FMNL2: variants seen among roughly 807,000 people sequenced by gnomAD.
FMNL2 encodes formin like 2.
FMNL2 carries 51 observed loss-of-function variants against 130.2 expected under a neutral mutation model. The observed-to-expected ratio is 0.39, with a 90% confidence interval of 0.31 to 0.49. The LOEUF (loss-of-function observed/expected upper bound fraction) is 0.49, where lower values mean the gene tolerates loss of function less well. Among genes scored for constraint, FMNL2 ranks in the 20% least tolerant of loss-of-function variants. The probability of loss-of-function intolerance (pLI) is 0.85; values close to 1 mark genes in which losing one functional copy is unlikely to be tolerated. For missense variants in FMNL2, 977 were observed against 1,316.2 expected, an observed-to-expected ratio of 0.74 and a Z score of 3.99; for synonymous variants, 465 against 467.1, an observed-to-expected ratio of 1.00 and a Z score of 0.06.
chr2:152,494,789 G>A (rs541301046), intron 1 of FMNL2, among the ~76,000 whole-genome samples: 101 of 152,268 alleles, frequency 6.6e-4, no homozygotes, highest in African/African-American at 2.3e-3. Context: ...AGAAAGCCCT[G>A]GGTTATCAGC....
chr2:152,642,180 T>C (rs1683149149), intron 25 of FMNL2, among the ~76,000 whole-genome samples: 1 of 152,194 alleles, frequency 6.6e-6, no homozygotes, highest in Admixed American at 6.5e-5. Context: ...GACCTCGTGA[T>C]CTGCCCGCCT....
chr2:152,355,330 C>T (rs1682721958), intron 1 of FMNL2, among the ~76,000 whole-genome samples: 1 of 152,158 alleles, frequency 6.6e-6, no homozygotes. Flanking sequence ...TTCATTGCCC[C>T]AAGAAAACCA....
At chr2:152,350,948 G>A (rs1682446001) in intron 1 of FMNL2, among the ~76,000 whole-genome samples, 1 of 152,124 alleles carries the variant, frequency 6.6e-6, no homozygotes, top group Admixed American at 6.5e-5. Flanking sequence ...GGGAGGCTGA[G>A]GCAGGAGAAT....
At chr2:152,376,565 C>T (rs1684189563) in intron 1 of FMNL2, among the ~76,000 whole-genome samples, 1 of 152,194 alleles carries the variant, frequency 6.6e-6, no homozygotes, top group East Asian at 1.9e-4. Flanking sequence ...AGAGTTGAAG[C>T]ACAGCTGTGC....
At chr2:152,582,654 T>A (rs1696858827) in intron 9 of FMNL2, among the ~76,000 whole-genome samples, 1 of 152,208 alleles carries the variant, frequency 6.6e-6, no homozygotes, top group Non-Finnish European at 1.5e-5. Context: ...GTGAATGTTT[T>A]TATATATCAT....
At chr2:152,553,465 A>G (rs796454329) in intron 4 of FMNL2, among the ~76,000 whole-genome samples, 1 of 151,688 alleles carries the variant, frequency 6.6e-6, no homozygotes, top group Non-Finnish European at 1.5e-5. Flanking sequence ...TCAATTCCAC[A>G]CAAGTTAGAA....
chr2:152,581,925 G>A (rs1201957275), intron 9 of FMNL2, among the ~76,000 whole-genome samples: 2 of 152,008 alleles, frequency 1.3e-5, no homozygotes, highest in East Asian at 3.9e-4. Context: ...GGTCACAGAG[G>A]GACTGTTTTC....
chr2:152,487,041 T>G (rs73968034), intron 1 of FMNL2, among the ~76,000 whole-genome samples: 1 of 152,224 alleles, frequency 6.6e-6, no homozygotes, highest in Non-Finnish European at 1.5e-5. Flanking sequence ...ATCCCACAAA[T>G]ATTTATTGAG....
chr2:152,585,035 A>G (rs1696991339), intron 9 of FMNL2, among the ~76,000 whole-genome samples: 1 of 152,228 alleles, frequency 6.6e-6, no homozygotes, highest in Non-Finnish European at 1.5e-5. Context: ...ATGAGTCTTA[A>G]TTACATGAAT....
intron 6 of FMNL2, among the ~76,000 whole-genome samples, chr2:152,574,910 C>T (rs891278530): frequency 6.6e-4 from 101 of 152,088 alleles, no homozygotes; most frequent in African/African-American, 2.4e-3. Flanking sequence ...TCTGAGACCT[C>T]CAAAAAGTGT....
chr2:152,430,339 GCA>G (rs1402501329), intron 1 of FMNL2, among the ~76,000 whole-genome samples: 1 of 152,124 alleles, frequency 6.6e-6, no homozygotes, highest in African/African-American at 2.4e-5. Flanking sequence ...GCCCTTGTGT[GCA>G]CACTCACCTT....
At chr2:152,442,343 C>G (rs1688097871) in intron 1 of FMNL2, among the ~76,000 whole-genome samples, 1 of 151,752 alleles carries the variant, frequency 6.6e-6, no homozygotes, top group African/African-American at 2.4e-5. Flanking sequence ...CCTCCTTCTC[C>G]CGGGTTTAAG....
chr2:152,371,498 A>T (rs960208728), intron 1 of FMNL2, among the ~76,000 whole-genome samples: 1 of 151,740 alleles, frequency 6.6e-6, no homozygotes, highest in Non-Finnish European at 1.5e-5. Flanking sequence ...GTGAATCCCT[A>T]TCTCTACTAA....
chr2:152,387,879 C>A (rs1051500328), intron 1 of FMNL2, among the ~76,000 whole-genome samples: 1 of 150,960 alleles, frequency 6.6e-6, no homozygotes, highest in African/African-American at 2.4e-5. Flanking sequence ...GTCTTGATCT[C>A]CTGGGCTCAC....
intron 25 of FMNL2, among the ~76,000 whole-genome samples, chr2:152,643,129 G>C (rs1683241983): frequency 6.6e-6 from 1 of 152,150 alleles, no homozygotes; most frequent in Non-Finnish European, 1.5e-5. Context: ...CTATTTGCTT[G>C]ATCTAAGTCA....
chr2:152,336,773 A>G (rs1397784647), intron 1 of FMNL2, among the ~76,000 whole-genome samples: 1 of 152,088 alleles, frequency 6.6e-6, no homozygotes, highest in Non-Finnish European at 1.5e-5. Context: ...TACTCCTGAC[A>G]CTTGGACACT....
chr2:152,492,454 A>G (rs1691266060), intron 1 of FMNL2, among the ~76,000 whole-genome samples: 2 of 152,208 alleles, frequency 1.3e-5, no homozygotes, highest in Admixed American at 1.3e-4. Flanking sequence ...AGTTCTCAAT[A>G]ATAGCTGTAC....
chr2:152,455,070 A>G (rs1688875662), intron 1 of FMNL2, among the ~76,000 whole-genome samples: 2 of 152,190 alleles, frequency 1.3e-5, no homozygotes, highest in African/African-American at 4.8e-5. Context: ...GGGGATGTTC[A>G]AAGCTGGCCT....
intron 9 of FMNL2, among the ~76,000 whole-genome samples, chr2:152,604,808 C>T (rs1273192683): frequency 6.6e-6 from 1 of 152,118 alleles, no homozygotes; most frequent in Non-Finnish European, 1.5e-5. Context: ...GTTGGCCAGG[C>T]TGGTCTCAAA....
Sources: allele counts gnomAD v4.1 joint callset (sites outside exome capture counted in the v4.1 genomes callset), GRCh38; gene constraint gnomAD v4.1.1; transcripts MANE v1.5; gene names NCBI Gene and HGNC (gene_info 2026-07-23, HGNC 2026-07-21).